The following MYO7A variants were observed in gnomAD, a reference collection of about 807,000 sequenced individuals.
The protein encoded by MYO7A is unconventional myosin-VIIa.
A neutral mutation model predicts 263.8 loss-of-function variants in MYO7A; 210 were observed. That is an observed-to-expected ratio of 0.80 (90% CI 0.71 to 0.89). The LOEUF (loss-of-function observed/expected upper bound fraction) is 0.89, where lower values mean the gene tolerates loss of function less well. Among genes scored for constraint, MYO7A ranks in the 40% least tolerant of loss-of-function variants. MYO7A has a pLI of 0.00. For synonymous variants in MYO7A, 1,239 were observed against 1,197.3 expected (o/e 1.03, Z -0.72); for missense variants, 2,820 against 2,968.3 (o/e 0.95, Z 1.16).
chr11:77,189,745 G>A (rs1216736017), intron 28 of MYO7A, among the ~76,000 whole-genome samples: 2 of 152,226 alleles, frequency 1.3e-5, no homozygotes, highest in South Asian at 2.1e-4. Flanking sequence ...GGCCCTGGGC[G>A]CTGGGGTCAG....
intron 15 of MYO7A, among the ~76,000 whole-genome samples, chr11:77,170,760 T>TG (rs1288770298): frequency 6.6e-6 from 1 of 151,696 alleles, no homozygotes; most frequent in Non-Finnish European, 1.5e-5. Flanking sequence ...AGAGACGAGT[T>TG]GGGGGGTTGC....
intron 39 of MYO7A, among the ~76,000 whole-genome samples, chr11:77,204,786 C>T (rs1957327839): frequency 6.6e-6 from 1 of 152,214 alleles, no homozygotes; most frequent in African/African-American, 2.4e-5. Flanking sequence ...CCAGCTGTGT[C>T]ACCCTCTACA....
At position 77,182,668 on chromosome 11, in the gene MYO7A, GCCTTGGGCT is replaced by G. The variant is rs1955344780; in HGVS notation, c.3285+72_3285+80del. The G allele has an allele frequency of 1.6e-5, 25 of 1,538,212 alleles. No individual in the cohort carries two copies. The South Asian group carries it at 2.7e-4, about 17-fold the overall frequency. On this transcript the variant is annotated intron_variant, in intron 25 of 48. Transcript: ENST00000409709. ...ACAAGGAGGGCCGCTGGCATCACCA[GCCTTGGGCT>G]CCTCTGCAGAAAAAGGATCCTATAA...
In MYO7A at chr11:77,152,070, TG is replaced by T. The variant is rs1444415444; in HGVS notation, c.286-3833del. Among the ~76,000 whole-genome samples the T allele has an allele frequency of 3.9e-5, 6 of 152,116 alleles. No individual in the cohort carries two copies. In the East Asian group the frequency reaches 5.8e-4, roughly 15 times the overall value. ...CCTTCTGAGGAAGTAAAAGGGGTGA[TG>T]GGGTGGGAGCTGCAAAGTCCTGAGC... On this transcript the variant is annotated intron_variant, in intron 4 of 48. Transcript: ENST00000409709.
rs919610566 is a variant in MYO7A at position 77,215,222 on chromosome 11, G to A, written c.*526G>A. 6.5e-6 allele frequency: 1 copy of A among 153,472 alleles called. No individual in the cohort carries two copies. The highest frequency in any genetic ancestry group is 6.5e-5 in the Admixed American group (1 of 15,442). 9.5% of individuals were successfully genotyped at this position (153,472 alleles called of 1,614,324 possible). Reference sequence around the variant, plus strand: ...TACCCTGATCACCTCAGGGCATAAAGCATGTTTCATTCTCTGGCCCGACAG... The same window carrying A: ...TACCCTGATCACCTCAGGGCATAAAACATGTTTCATTCTCTGGCCCGACAG... On this transcript the variant is annotated 3_prime_UTR_variant, in exon 49 of 49. Transcript: ENST00000409709.
chr11:77,198,414 C>A, intron 33 of MYO7A, 81 bp from the exon 34 acceptor site: 1 of 1,556,706 alleles, frequency 6.4e-7, no homozygotes, highest in Non-Finnish European at 8.7e-7. Flanking sequence ...TGTATTGCCA[C>A]CTGCCTGGCC....
At chr11:77,181,840 A>T in intron 23 of MYO7A, 111 bp from the exon 24 acceptor site, 1 of 841,696 alleles carries the variant, frequency 1.2e-6, no homozygotes, top group Non-Finnish European at 1.8e-6. Flanking sequence ...GCTGGAGTGC[A>T]GTAGCGTGAT....
intron 2 of MYO7A, among the ~76,000 whole-genome samples, chr11:77,131,323 C>A (rs67953300): frequency 0.18 from 28,138 of 152,222 alleles, 2,884 homozygotes; most frequent in East Asian, 0.44. Flanking sequence ...AGCAGCTTCT[C>A]GGTCTCCAGG....
At chr11:77,154,697 T>A (rs1280184023) in intron 4 of MYO7A, among the ~76,000 whole-genome samples, 1 of 145,906 alleles carries the variant, frequency 6.9e-6, no homozygotes, top group Non-Finnish European at 1.5e-5. Context: ...GAGGCTCAAG[T>A]GCTTCTCTCC....
intron 2 of MYO7A, among the ~76,000 whole-genome samples, chr11:77,136,722 C>T (rs1459152895): frequency 1.3e-5 from 2 of 152,198 alleles, no homozygotes; most frequent in African/African-American, 4.8e-5. Flanking sequence ...CATTTTGTCA[C>T]CTGACGGATG....
chr11:77,169,636 C>G lies in MYO7A; in HGVS notation c.1798-3112C>G, dbSNP rs568634536. On this transcript the variant is annotated intron_variant, in intron 15 of 48. Coordinates refer to ENST00000409709, the MANE Select transcript of MYO7A (RefSeq NM_000260.4). ...TCCCCCCAATGAAATAAAACCAAAT[C>G]AGAAACCCAGATGGCTACCTACAAA... Among the ~76,000 whole-genome samples, 95 of 152,282 alleles carry G rather than the reference C, an allele frequency of 6.2e-4. 1 individual carries two copies. The highest frequency in any genetic ancestry group is 3.3e-3 in the Admixed American group (50 of 15,292).
intron 43 of MYO7A, 66 bp downstream of exon 43, chr11:77,208,583 C>T: frequency 6.5e-7 from 1 of 1,548,206 alleles, no homozygotes; most frequent in Non-Finnish European, 8.8e-7. Flanking sequence ...CGGGGCTGTG[C>T]CGTGAGGCCC....
intron 15 of MYO7A, among the ~76,000 whole-genome samples, chr11:77,171,879 A>C (rs1954123211): frequency 6.6e-6 from 1 of 152,170 alleles, no homozygotes; most frequent in African/African-American, 2.4e-5. Context: ...GTATTCTCAG[A>C]GGGGACCCCA....
chr11:77,184,227 GC>G (rs141972223), intron 26 of MYO7A, among the ~76,000 whole-genome samples: 23 of 152,104 alleles, frequency 1.5e-4, no homozygotes, highest in Non-Finnish European at 3.2e-4. Context: ...AGTTATGTTG[GC>G]GGGGGCACCC....
In MYO7A at chr11:77,156,858, G is replaced by T; in HGVS notation, c.593-4G>T. ...TTGCCAGTGACACCCTACTCACTCC[G>T]CAGCATTTGGGAATGCCAAGACCAT... On this transcript the variant is annotated splice_polypyrimidine_tract_variant and splice_region_variant and intron_variant, in intron 6 of 48. Transcript: ENST00000409709. The T allele has an allele frequency of 5.6e-6, 9 of 1,613,954 alleles. No individual in the cohort carries two copies. The highest frequency in any genetic ancestry group is 5.9e-6 in the Non-Finnish European group (7 of 1,179,882).
At chr11:77,193,489 ATGG>A (rs1339541379) in intron 31 of MYO7A, among the ~76,000 whole-genome samples, 3 of 144,506 alleles carry the variant, frequency 2.1e-5, no homozygotes, top group East Asian at 2.1e-4. Context: ...GATGGTGGTG[ATGG>A]TGGAGGCAGT....
At chr11:77,197,075 G>A (rs764271860) in intron 32 of MYO7A, among the ~76,000 whole-genome samples, 1 of 152,140 alleles carries the variant, frequency 6.6e-6, no homozygotes, top group Non-Finnish European at 1.5e-5. Context: ...TCCGCACGCT[G>A]TGTCCCCATT....
intron 2 of MYO7A, among the ~76,000 whole-genome samples, chr11:77,135,177 C>T (rs561466204): frequency 2.0e-5 from 3 of 152,314 alleles, no homozygotes; most frequent in African/African-American, 4.8e-5. Context: ...CAATTCTTTT[C>T]ATCTTGTAAA....
At position 77,157,016 on chromosome 11, in the gene MYO7A, C is replaced by T; in HGVS notation, c.735+12C>T. The stretch of plus-strand genomic sequence containing the variant: ...GTGTCTGTCGCCAGGTGGGCCTGAG[C>T]CCCAGGGATGCAGGAATAGACCCAG... On this transcript the variant is annotated intron_variant, in intron 7 of 48. Transcript: ENST00000409709. 1 of 1,610,406 alleles carries T rather than the reference C, an allele frequency of 6.2e-7. No individual in the cohort carries two copies. Among genetic ancestry groups the T allele is most frequent in the Non-Finnish European group, 8.5e-7 (1 of 1,178,458 alleles).
Sources: gnomAD v4.1 joint callset for allele counts (sites outside exome capture counted in the v4.1 genomes callset) on GRCh38, gnomAD v4.1.1 for gene constraint, MANE v1.5 for transcripts, NCBI Gene and HGNC (gene_info 2026-07-23, HGNC 2026-07-21) for gene names.